The following PDE8B variants were observed in gnomAD, a reference collection of about 807,000 sequenced individuals.
PDE8B encodes the protein phosphodiesterase 8B.
A neutral mutation model predicts 101.3 loss-of-function variants in PDE8B; 26 were observed. The observed-to-expected ratio is 0.26, with a 90% CI of 0.19 to 0.36. The LOEUF (loss-of-function observed/expected upper bound fraction) is 0.36, where lower values mean the gene tolerates loss of function less well. Among genes scored for constraint, PDE8B ranks in the 10% least tolerant of loss-of-function variants. The pLI, the probability that PDE8B is intolerant of heterozygous loss-of-function variation, is 1.00. For missense variants in PDE8B, 810 were observed against 1,163.1 expected (o/e 0.70, Z 4.42); for synonymous variants, 424 against 429.3 (o/e 0.99, Z 0.15).
chr5:77,148,915 A>G, the PDE8B span, among the ~76,000 whole-genome samples: 1 of 152,120 alleles, frequency 6.6e-6, no homozygotes, highest in Non-Finnish European at 1.5e-5. Context: ...TTTAACTGTC[A>G]TGATTTTTGT....
the PDE8B span, chr5:77,148,457 G>A: frequency 2.6e-5 from 4 of 152,124 alleles, no homozygotes; most frequent in Non-Finnish European, 1.5e-5. Context: ...CTGTCAAACT[G>A]TTTTCTAACA....
At chr5:77,352,982 C>A (rs940285528) in intron 9 of PDE8B, among the ~76,000 whole-genome samples, 1 of 152,182 alleles carries the variant, frequency 6.6e-6, no homozygotes, top group Non-Finnish European at 1.5e-5. Context: ...CCAAATGAAT[C>A]TTTTGTAGCT....
At chr5:77,406,059 G>A (rs916547140) in intron 12 of PDE8B, among the ~76,000 whole-genome samples, 1 of 152,134 alleles carries the variant, frequency 6.6e-6, no homozygotes, top group Non-Finnish European at 1.5e-5. Flanking sequence ...GGCTGAGGCA[G>A]GCGGATCACC....
At chr5:77,325,413 A>T (rs1399316784) in intron 2 of PDE8B, 126 bp from the exon 3 acceptor site, 10 of 855,960 alleles carry the variant, frequency 1.2e-5, no homozygotes, top group East Asian at 4.8e-5. Context: ...TAAGTAGTCC[A>T]CTGCCTCAGC....
intron 1 of PDE8B, chr5:77,290,891 G>C (rs1767164140): frequency 1.2e-6 from 2 of 1,603,084 alleles, no homozygotes; most frequent in East Asian, 4.5e-5. Context: ...TAATAGCCAA[G>C]GTTCTGGAGG....
the PDE8B span, among the ~76,000 whole-genome samples, chr5:77,098,109 A>C: frequency 6.6e-6 from 1 of 152,064 alleles, no homozygotes; most frequent in African/African-American, 2.4e-5. Context: ...AAGGAGAGTA[A>C]TGGAAGAAAC....
intron 10 of PDE8B, among the ~76,000 whole-genome samples, chr5:77,393,872 GA>G (rs149895474): frequency 0.053 from 8,089 of 152,192 alleles, 685 homozygotes; most frequent in African/African-American, 0.18. Flanking sequence ...ACCTTGTAAG[GA>G]ACCATTTAGA....
chr5:77,179,669 G>A, the PDE8B span, among the ~76,000 whole-genome samples: 1 of 152,160 alleles, frequency 6.6e-6, no homozygotes, highest in African/African-American at 2.4e-5. Context: ...GGTTTGATCC[G>A]TGTTTGACTC....
the PDE8B span, among the ~76,000 whole-genome samples, chr5:77,179,692 T>G: frequency 1.3e-5 from 2 of 152,178 alleles, no homozygotes; most frequent in Admixed American, 1.3e-4. Flanking sequence ...GTTTGTAAAT[T>G]GTCCCTACAA....
the PDE8B span, among the ~76,000 whole-genome samples, chr5:77,166,278 T>A: frequency 6.8e-6 from 1 of 146,388 alleles, no homozygotes; most frequent in Non-Finnish European, 1.5e-5. Context: ...CCTTCTGTGG[T>A]CAAAGAAACA....
chr5:77,272,907 G>A (rs936465052), intron 1 of PDE8B, among the ~76,000 whole-genome samples: 4 of 152,106 alleles, frequency 2.6e-5, no homozygotes, highest in African/African-American at 9.7e-5. Flanking sequence ...TATTTTTATT[G>A]TGTATATTTA....
intron 20 of PDE8B, among the ~76,000 whole-genome samples, chr5:77,423,273 T>C (rs957689196): frequency 6.6e-6 from 1 of 152,230 alleles, no homozygotes; most frequent in African/African-American, 2.4e-5. Context: ...GATGGGCACC[T>C]GGGTTGATTC....
At chr5:77,154,741 C>T in the PDE8B span, among the ~76,000 whole-genome samples, 2 of 152,144 alleles carry the variant, frequency 1.3e-5, no homozygotes, top group African/African-American at 4.8e-5. Flanking sequence ...TTTCCTGGGA[C>T]TGAGGAATTT....
chr5:77,170,012 A>G, the PDE8B span, among the ~76,000 whole-genome samples: 6 of 152,192 alleles, frequency 3.9e-5, no homozygotes, highest in Non-Finnish European at 8.8e-5. Context: ...CTGAGGTGCT[A>G]TCCTGCACCT....
rs183396697 is a variant in PDE8B, at chr5:77,353,324, A to G, written c.1107-22A>G. On this transcript the variant is annotated intron_variant, in intron 9 of 21. Transcript: ENST00000264917. The stretch of plus-strand genomic sequence containing the variant: ...GAATCATCTCATATCTGACTCACTA[A>G]TAACTGATTATTTGTTATTAGGAAA... 6.3e-4 allele frequency: 849 copies of G among 1,353,234 alleles called. 9 individuals carry two copies. The highest frequency in any genetic ancestry group is 2.9e-5 in the Non-Finnish European group (27 of 941,770). The allele number at this position is 1,353,234 out of a possible 1,614,324, so 83.8% of individuals were successfully genotyped here. A position where few individuals can be genotyped will look rare whatever the true frequency, so the allele number is the denominator to read the frequency against.
intron 1 of PDE8B, among the ~76,000 whole-genome samples, chr5:77,245,858 CCCCA>C (rs1366472991): frequency 1.1e-5 from 1 of 89,822 alleles, no homozygotes; most frequent in African/African-American, 6.2e-5. Flanking sequence ...CGCCCCCCCC[CCCCA>C]ACTTTTTGAG....
intron 5 of PDE8B, among the ~76,000 whole-genome samples, chr5:77,335,358 T>G (rs1302183437): frequency 6.6e-6 from 1 of 152,210 alleles, no homozygotes; most frequent in East Asian, 1.9e-4. Flanking sequence ...TTAACTTTGC[T>G]CTGTAAATCA....
the PDE8B span, among the ~76,000 whole-genome samples, chr5:77,164,865 T>C: frequency 6.6e-6 from 1 of 152,166 alleles, no homozygotes; most frequent in East Asian, 1.9e-4. Context: ...AGGCAGAGCT[T>C]TGGGGAAGTT....
At chr5:77,091,405 C>T in the PDE8B span, among the ~76,000 whole-genome samples, 3 of 152,222 alleles carry the variant, frequency 2.0e-5, no homozygotes, top group East Asian at 5.8e-4. Context: ...TTTGGGAGGC[C>T]CAGGCGAGTG....
Sources: allele counts gnomAD v4.1 joint callset (sites outside exome capture counted in the v4.1 genomes callset), GRCh38; gene constraint gnomAD v4.1.1; transcripts MANE v1.5; gene names NCBI Gene and HGNC (gene_info 2026-07-23, HGNC 2026-07-21).